Variants in RPLP1 observed in about 807,000 individuals in gnomAD.
The protein encoded by RPLP1 is ribosomal protein lateral stalk subunit P1.
In RPLP1, 4 loss-of-function variants were observed where a neutral mutation model predicts 11.6. That is an observed-to-expected ratio of 0.34 (90% CI 0.17 to 0.79). The LOEUF (loss-of-function observed/expected upper bound fraction) is 0.79. Among genes scored for constraint, RPLP1 ranks in the 30% least tolerant of loss-of-function variants. RPLP1 has a pLI of 0.55. For missense variants in RPLP1, 133 were observed against 142.8 expected, an observed-to-expected ratio of 0.93 and a Z score of 0.35; for synonymous variants, 54 against 52.2, an observed-to-expected ratio of 1.03 and a Z score of -0.15.
rs927481703 is a variant in RPLP1, at chr15:69,455,773, C to G, written c.*266C>G. On this transcript the variant is annotated 3_prime_UTR_variant, in exon 4 of 4. Transcript: ENST00000260379. ...GGAAGGATCAGAGCAGATGCTTTGT[C>G]CAGGTTACCTGTGTAAACTTGATGA... 6.6e-6 allele frequency: 3 copies of G among 454,692 alleles called. No homozygotes were observed. Among genetic ancestry groups the G allele is most frequent in the Non-Finnish European group, 7.8e-6 (2 of 255,120 alleles). 28.2% of individuals were successfully genotyped at this position (454,692 alleles called of 1,614,324 possible).
intron 1 of RPLP1, 154 bp downstream of exon 1, chr15:69,453,174 G>C (rs1444919380): frequency 7.1e-6 from 5 of 705,064 alleles, no homozygotes; most frequent in Non-Finnish European, 1.2e-5. Context: ...CCTCGGGGCT[G>C]GGGCCTCTCT....
intron 2 of RPLP1, chr15:69,454,951 A>G (rs1892412137): frequency 2.2e-6 from 1 of 464,888 alleles, no homozygotes; most frequent in East Asian, 3.8e-5. Flanking sequence ...GTATTTGCAT[A>G]TAACCTATGC....
intron 2 of RPLP1, 138 bp from the exon 3 acceptor site, chr15:69,455,032 G>A (rs1014370774): frequency 1.6e-6 from 2 of 1,242,676 alleles, no homozygotes; most frequent in Non-Finnish European, 2.1e-6. Context: ...TTGAATCCAT[G>A]GATGTGGAAC....
At chr15:69,455,349 A>T (rs1892419932) in intron 3 of RPLP1, 62 bp downstream of exon 3, 9 of 1,541,212 alleles carry the variant, frequency 5.8e-6, no homozygotes, top group Non-Finnish European at 7.9e-6. Context: ...AAATAGTATT[A>T]TAGACAAAAT....
chr15:69,454,579 A>G (rs1394366788), intron 2 of RPLP1: 2 of 152,242 alleles, frequency 1.3e-5, no homozygotes, highest in African/African-American at 4.8e-5. Flanking sequence ...GATTGAAAAC[A>G]TTGTACCTAT....
chr15:69,452,849 G>T lies in RPLP1; in HGVS notation c.-100G>T. 1.8e-6 allele frequency: 2 copies of T among 1,132,988 alleles called. No individual in the cohort carries two copies. Among genetic ancestry groups the T allele is most frequent in the South Asian group, 1.3e-5 (1 of 75,544 alleles). The allele number at this position is 1,132,988 out of a possible 1,614,324, so 70.2% of individuals were successfully genotyped here. The stretch of plus-strand genomic sequence containing the variant: ...TCCTCAGCTGCCGCCAAGGTGCTCG[G>T]TCCTTCCGAGGAAGCTAAGGCTGCG... On this transcript the variant is annotated 5_prime_UTR_variant, in exon 1 of 4. Transcript: ENST00000260379.
intron 2 of RPLP1, 102 bp from the exon 3 acceptor site, chr15:69,455,068 A>G (rs1892413534): frequency 2.0e-6 from 3 of 1,478,952 alleles, no homozygotes; most frequent in Admixed American, 5.2e-5. Flanking sequence ...TTAGGGGTTG[A>G]TCACTGTAAC....
chr15:69,455,710 C>T lies in RPLP1; in HGVS notation c.*203C>T, dbSNP rs951698043. The T allele has an allele frequency of 7.4e-5, 43 of 579,966 alleles. No individual in the cohort carries two copies. The highest frequency in any genetic ancestry group is 1.6e-4 in the Admixed American group (5 of 31,070). 35.9% of individuals were successfully genotyped at this position (579,966 alleles called of 1,614,324 possible). A position where few individuals can be genotyped will look rare whatever the true frequency, so the allele number is the denominator to read the frequency against. ...TCCTGATGCTAACAAGAAGGCACCT[C>T]ATGGTACAGTGTTGAAAACTGCACT... is the stretch of plus-strand genomic sequence containing the variant. On this transcript the variant is annotated 3_prime_UTR_variant, in exon 4 of 4. Transcript: ENST00000260379.
At chr15:69,453,841 G>A (rs1892391021) in intron 2 of RPLP1, 120 bp downstream of exon 2, 9 of 957,364 alleles carry the variant, frequency 9.4e-6, no homozygotes. Context: ...TCTCCTAGGT[G>A]TTTTTCGTTG....
rs1892433680 is a variant in RPLP1 at position 69,456,120 on chromosome 15, T to A, written c.*613T>A. On this transcript the variant is annotated 3_prime_UTR_variant, in exon 4 of 4. Transcript: ENST00000260379. ...ACTAAGAGCTTTTTTTGTTTGCCAA[T>A]TAATAATACCATGAATGGAATTTTC... The A allele has an allele frequency of 6.6e-6, 1 of 152,218 alleles. No individual in the cohort carries two copies. Among genetic ancestry groups the A allele is most frequent in the African/African-American group, 2.4e-5 (1 of 41,438 alleles). The allele number at this position is 152,218 out of a possible 1,614,324, so 9.4% of individuals were successfully genotyped here.
chr15:69,455,351 A>G (rs1322014241), intron 3 of RPLP1, 64 bp downstream of exon 3: 5 of 1,543,304 alleles, frequency 3.2e-6, no homozygotes, highest in Admixed American at 2.2e-5. Flanking sequence ...ATAGTATTAT[A>G]GACAAAATTG....
intron 1 of RPLP1, 163 bp from the exon 2 acceptor site, chr15:69,453,484 T>C: frequency 1.4e-6 from 1 of 719,776 alleles, no homozygotes; most frequent in Non-Finnish European, 2.4e-6. Context: ...ACAGCAGTGA[T>C]GGGCTCGCCT....
intron 1 of RPLP1, 97 bp from the exon 2 acceptor site, chr15:69,453,550 G>GT: frequency 7.5e-7 from 1 of 1,325,600 alleles, no homozygotes. Context: ...ATTTGAGCTG[G>GT]TTAAACATGT....
chr15:69,455,434 A>AGAAGAAAGTGGAAGC lies in RPLP1; in HGVS notation c.273_287dup (p.Val94_Lys98dup). ...ATTGACTTTTTTTTTCTAGCTGAGG[A>AGAAGAAAGTGGAAGC]GAAGAAAGTGGAAGCAAAGAAAGAA... is the stretch of plus-strand genomic sequence containing the variant. On this transcript the variant is annotated inframe_insertion, in exon 4 of 4. Coordinates refer to ENST00000260379, the MANE Select transcript of RPLP1 (RefSeq NM_001003.3). 6.2e-7 allele frequency: 1 copy of AGAAGAAAGTGGAAGC among 1,610,468 alleles called. No individual in the cohort carries two copies. The highest frequency in any genetic ancestry group is 8.5e-7 in the Non-Finnish European group (1 of 1,179,162).
Position 69,455,778 on chromosome 15 carries a change from T to C in RPLP1, c.*271T>C. ...GATCAGAGCAGATGCTTTGTCCAGG[T>C]TACCTGTGTAAACTTGATGATTATA... On this transcript the variant is annotated 3_prime_UTR_variant, in exon 4 of 4. Coordinates refer to ENST00000260379, the MANE Select transcript of RPLP1 (RefSeq NM_001003.3). 1 of 442,606 alleles carries C rather than the reference T, an allele frequency of 2.3e-6. No individual in the cohort carries two copies. Among genetic ancestry groups the C allele is most frequent in the South Asian group, 3.0e-5 (1 of 33,818 alleles). 27.4% of individuals were successfully genotyped at this position (442,606 alleles called of 1,614,324 possible). A position where few individuals can be genotyped will look rare whatever the true frequency, so the allele number is the denominator to read the frequency against.
rs1892387593 is a variant in RPLP1, at chr15:69,453,641, T to C, written c.73-6T>C. On this transcript the variant is annotated splice_region_variant and splice_polypyrimidine_tract_variant and intron_variant, in intron 1 of 3. Transcript: ENST00000260379. ...TTTGATGGATTGACGTTTTTATTTG[T>C]TGTAGGAGGATAAGATCAATGCCCT... 2 of 1,613,992 alleles carry C rather than the reference T, an allele frequency of 1.2e-6. No individual in the cohort carries two copies. The highest frequency in any genetic ancestry group is 1.7e-6 in the Non-Finnish European group (2 of 1,179,870).
In RPLP1 at chr15:69,453,372, A is replaced by C. The variant is rs898920513; in HGVS notation, c.73-275A>C. On this transcript the variant is annotated intron_variant, in intron 1 of 3. Coordinates refer to ENST00000260379, the MANE Select transcript of RPLP1 (RefSeq NM_001003.3). The stretch of plus-strand genomic sequence containing the variant: ...GACCTCTTTCGGTGTAATTGCCTTG[A>C]ATTCCCCCGGTCGTGGAGGAAGGCG... The C allele has an allele frequency of 8.6e-6, 5 of 581,224 alleles. No homozygotes were observed. The African/African-American group carries it at 9.4e-5, about 11-fold the overall frequency. The allele number at this position is 581,224 out of a possible 1,614,324, so 36.0% of individuals were successfully genotyped here. A position where few individuals can be genotyped will look rare whatever the true frequency, so the allele number is the denominator to read the frequency against.
chr15:69,453,214 G>T lies in RPLP1; in HGVS notation c.72+194G>T, dbSNP rs534593812. The T allele has an allele frequency of 2.5e-5, 15 of 606,638 alleles. 1 individual carries two copies. The highest frequency in any genetic ancestry group is 5.7e-5 in the African/African-American group (3 of 52,854). The allele number at this position is 606,638 out of a possible 1,614,324, so 37.6% of individuals were successfully genotyped here. Reference sequence around the variant, plus strand: ...GCAGGTCCTGGGCCCCCGGGACCACGTGCGGGCCCAGCGGGCATGGAGTGC... The same window carrying T: ...GCAGGTCCTGGGCCCCCGGGACCACTTGCGGGCCCAGCGGGCATGGAGTGC... On this transcript the variant is annotated intron_variant, in intron 1 of 3. Transcript: ENST00000260379.
In RPLP1 at chr15:69,456,183, T is replaced by C. The variant is rs764154932; in HGVS notation, c.*676T>C. 2 of 152,116 alleles carry C rather than the reference T, an allele frequency of 1.3e-5. No homozygotes were observed. Among genetic ancestry groups the C allele is most frequent in the Non-Finnish European group, 2.9e-5 (2 of 68,050 alleles). 9.4% of individuals were successfully genotyped at this position (152,116 alleles called of 1,614,324 possible). A position where few individuals can be genotyped will look rare whatever the true frequency, so the allele number is the denominator to read the frequency against. On this transcript the variant is annotated 3_prime_UTR_variant, in exon 4 of 4. Transcript: ENST00000260379. ...TTGGATTTATATAATAAACCGTGGG[T>C]ATTGTGTGTTCAGAGCAGCTAATGA... is the stretch of plus-strand genomic sequence containing the variant.
Sources: allele counts gnomAD v4.1 joint callset, GRCh38; gene constraint gnomAD v4.1.1; transcripts MANE v1.5; gene names NCBI Gene and HGNC (gene_info 2026-07-23, HGNC 2026-07-21).